CADM1: variants seen among roughly 807,000 people sequenced by gnomAD.
CADM1 encodes the protein TSLC-1.
CADM1 carries 15 observed loss-of-function variants against 53.1 expected under a neutral mutation model. That is an observed-to-expected ratio of 0.28 (90% confidence interval 0.19 to 0.44). The LOEUF is 0.44. Ranked by LOEUF, CADM1 falls within the 20% of genes least tolerant of loss-of-function variation. The pLI is 1.00. For missense variants in CADM1, 434 were observed against 611.3 expected (o/e 0.71, Z 3.06); for synonymous variants, 281 against 243.0 (o/e 1.16, Z -1.45).
chr11:115,352,421 G>A (rs1284949909), intron 1 of CADM1, among the ~76,000 whole-genome samples: 1 of 152,186 alleles, frequency 6.6e-6, no homozygotes, highest in African/African-American at 2.4e-5. Flanking sequence ...ACATGGAATA[G>A]TCTTCTAAAA....
intron 1 of CADM1, among the ~76,000 whole-genome samples, chr11:115,422,955 CTT>C (rs1398788042): frequency 3.5e-4 from 53 of 151,732 alleles, no homozygotes; most frequent in Admixed American, 3.5e-3. Flanking sequence ...TTGGAAAACA[CTT>C]TCTCCTACAA....
At chr11:115,416,817 G>A (rs530279238) in intron 1 of CADM1, among the ~76,000 whole-genome samples, 2 of 151,798 alleles carry the variant, frequency 1.3e-5, no homozygotes, top group Non-Finnish European at 2.9e-5. Context: ...ATTAGAAAAT[G>A]CTCTAAATAA....
chr11:115,401,697 G>A (rs1397646534), intron 1 of CADM1, among the ~76,000 whole-genome samples: 1 of 152,176 alleles, frequency 6.6e-6, no homozygotes, highest in Non-Finnish European at 1.5e-5. Flanking sequence ...GTTTAAGGCA[G>A]GGAAAATACT....
intron 1 of CADM1, among the ~76,000 whole-genome samples, chr11:115,327,768 A>G (rs1324260199): frequency 6.6e-6 from 1 of 152,208 alleles, no homozygotes; most frequent in Non-Finnish European, 1.5e-5. Flanking sequence ...AGATTGTATT[A>G]GTACCTACTT....
intron 1 of CADM1, among the ~76,000 whole-genome samples, chr11:115,328,565 T>C (rs1945020234): frequency 1.3e-5 from 2 of 149,426 alleles, no homozygotes; most frequent in African/African-American, 4.9e-5. Context: ...AATTCCCTTG[T>C]CTGCCTACAT....
intron 1 of CADM1, among the ~76,000 whole-genome samples, chr11:115,243,309 A>G (rs1002582838): frequency 1.3e-5 from 2 of 152,352 alleles, no homozygotes; most frequent in African/African-American, 2.4e-5. Flanking sequence ...GAAAATGCCA[A>G]TTCCTAGCTA....
intron 1 of CADM1, among the ~76,000 whole-genome samples, chr11:115,264,597 G>C (rs186202541): frequency 2.0e-5 from 3 of 152,322 alleles, no homozygotes; most frequent in East Asian, 1.9e-4. Context: ...TTGTGCTGAT[G>C]ATGAGAGCTC....
chr11:115,286,117 G>A (rs995326556), intron 1 of CADM1, among the ~76,000 whole-genome samples: 3 of 152,110 alleles, frequency 2.0e-5, no homozygotes, highest in Non-Finnish European at 4.4e-5. Context: ...TGGTAGTTTA[G>A]ATATGTGTAA....
At chr11:115,325,693 C>G (rs1268630974) in intron 1 of CADM1, among the ~76,000 whole-genome samples, 2 of 152,074 alleles carry the variant, frequency 1.3e-5, no homozygotes, top group African/African-American at 4.8e-5. Flanking sequence ...TATAACTGCC[C>G]TGAATTTATC....
At chr11:115,306,550 G>A (rs1184190748) in intron 1 of CADM1, among the ~76,000 whole-genome samples, 5 of 151,920 alleles carry the variant, frequency 3.3e-5, no homozygotes, top group African/African-American at 7.2e-5. Context: ...ATAGTCATTG[G>A]TACAGAACAG....
chr11:115,349,990 A>T (rs1945684162), intron 1 of CADM1, among the ~76,000 whole-genome samples: 1 of 151,790 alleles, frequency 6.6e-6, no homozygotes, highest in Non-Finnish European at 1.5e-5. Flanking sequence ...TGTTTTTTTG[A>T]GATGGAGTTT....
chr11:115,422,319 A>C (rs1947777288), intron 1 of CADM1, among the ~76,000 whole-genome samples: 1 of 152,164 alleles, frequency 6.6e-6, no homozygotes, highest in Non-Finnish European at 1.5e-5. Flanking sequence ...TACTGTAAAA[A>C]TCAGGTGTGA....
intron 1 of CADM1, among the ~76,000 whole-genome samples, chr11:115,488,583 C>T (rs1432203360): frequency 1.3e-5 from 2 of 152,206 alleles, no homozygotes; most frequent in African/African-American, 2.4e-5. Context: ...AAAGAACAAA[C>T]TCCAAACTTC....
At chr11:115,406,517 A>G (rs1156866746) in intron 1 of CADM1, among the ~76,000 whole-genome samples, 1 of 148,160 alleles carries the variant, frequency 6.7e-6, no homozygotes, top group Non-Finnish European at 1.5e-5. Flanking sequence ...AATATTATAT[A>G]TTATATTTAT....
At chr11:115,493,465 C>A (rs1949544344) in intron 1 of CADM1, among the ~76,000 whole-genome samples, 1 of 152,062 alleles carries the variant, frequency 6.6e-6, no homozygotes, top group African/African-American at 2.4e-5. Flanking sequence ...CATTAGAGAA[C>A]AAGATCTTCA....
intron 1 of CADM1, among the ~76,000 whole-genome samples, chr11:115,359,339 T>C (rs1362006628): frequency 1.3e-5 from 2 of 152,202 alleles, no homozygotes; most frequent in African/African-American, 4.8e-5. Flanking sequence ...TTCTCTTTCA[T>C]TTTAATATGA....
chr11:115,386,057 AGT>A (rs1356840779), intron 1 of CADM1, among the ~76,000 whole-genome samples: 1 of 152,254 alleles, frequency 6.6e-6, no homozygotes, highest in African/African-American at 2.4e-5. Flanking sequence ...GCAATTTTGA[AGT>A]TTGTTGCCAC....
intron 1 of CADM1, among the ~76,000 whole-genome samples, chr11:115,358,308 T>C (rs1565384974): frequency 2.6e-5 from 4 of 152,144 alleles, no homozygotes; most frequent in African/African-American, 9.7e-5. Context: ...GATAAAGACA[T>C]ACTGGAGACT....
intron 1 of CADM1, among the ~76,000 whole-genome samples, chr11:115,330,967 A>G (rs1945114714): frequency 2.0e-5 from 3 of 152,162 alleles, no homozygotes; most frequent in African/African-American, 7.2e-5. Context: ...GTACATGTTG[A>G]GCAGGATTCC....
Sources: gnomAD v4.1 joint callset for allele counts (sites outside exome capture counted in the v4.1 genomes callset) on GRCh38, gnomAD v4.1.1 for gene constraint, MANE v1.5 for transcripts, NCBI Gene and HGNC (gene_info 2026-07-23, HGNC 2026-07-21) for gene names.